The following MAB21L3 variants were observed in gnomAD, a reference collection of about 807,000 sequenced individuals.
The protein encoded by MAB21L3 is protein mab-21-like 3.
MAB21L3 carries 36 observed loss-of-function variants against 37.7 expected under a neutral mutation model. That is an observed-to-expected ratio of 0.96 (90% CI 0.73 to 1.26). MAB21L3 has a LOEUF of 1.26. Among genes scored for constraint, MAB21L3 ranks in the 50% most tolerant of loss-of-function variants. MAB21L3 has a pLI of 0.00. For missense variants in MAB21L3, 430 were observed against 447.3 expected, an observed-to-expected ratio of 0.96 and a Z score of 0.35; for synonymous variants, 186 against 176.8, an observed-to-expected ratio of 1.05 and a Z score of -0.41.
rs1205292515 is a variant in MAB21L3, at chr1:116,135,853, T to C, written c.*2488T>C. On this transcript the variant is annotated 3_prime_UTR_variant, in exon 8 of 8. Coordinates refer to ENST00000369500, the MANE Select transcript of MAB21L3 (RefSeq NM_152367.3). The stretch of plus-strand genomic sequence containing the variant: ...GCAAATCAATAAATGTAATCCAGCA[T>C]ATAAACAGAACCAAAGACAAAAACC... Among the ~76,000 whole-genome samples, 6 of 150,924 alleles carry C rather than the reference T, an allele frequency of 4.0e-5. No homozygotes were observed. Among genetic ancestry groups the C allele is most frequent in the African/African-American group, 7.3e-5 (3 of 41,100 alleles).
intron 4 of MAB21L3, among the ~76,000 whole-genome samples, chr1:116,121,492 G>A (rs1056212361): frequency 1.3e-5 from 2 of 152,170 alleles, no homozygotes; most frequent in African/African-American, 4.8e-5. Context: ...CTCACACAGA[G>A]GCTTTTGATT....
chr1:116,128,294 C>T lies in MAB21L3; in HGVS notation c.810C>T (p.Ile270=). 6.2e-7 allele frequency: 1 copy of T among 1,613,920 alleles called. No individual in the cohort carries two copies. The change falls in exon 7 of 8, where the codon ATC becomes ATT. Residue 270 remains isoleucine (I), a synonymous_variant. Transcript: ENST00000369500. ...TCATGAGGCACCTGAAGGAGGACAT[C>T]TGGTGCCCAGGGAACAGGCCGGTTA... ...FQVMRHLKED[I]WCPGNRPVIT... is the part of the protein sequence containing the mutation.
chr1:116,123,147 A>G (rs1259050370), intron 4 of MAB21L3, among the ~76,000 whole-genome samples: 2 of 152,176 alleles, frequency 1.3e-5, no homozygotes, highest in Non-Finnish European at 2.9e-5. Context: ...GCAGTGGGAC[A>G]TGGTCATAGT....
chr1:116,130,903 C>T (rs920082690), intron 7 of MAB21L3, among the ~76,000 whole-genome samples: 11 of 152,184 alleles, frequency 7.2e-5, no homozygotes, highest in African/African-American at 2.4e-4. Context: ...ATGAAATTAT[C>T]TCTAACTCAT....
chr1:116,113,069 CTG>C (rs772582930), intron 3 of MAB21L3, among the ~76,000 whole-genome samples: 1 of 152,134 alleles, frequency 6.6e-6, no homozygotes, highest in South Asian at 2.1e-4. Context: ...TTTTTAAAGA[CTG>C]TGAAAGTACT....
intron 3 of MAB21L3, among the ~76,000 whole-genome samples, chr1:116,117,245 G>T (rs2101609200): frequency 6.7e-6 from 1 of 148,900 alleles, no homozygotes; most frequent in East Asian, 2.0e-4. Context: ...TTACATCCGT[G>T]GGGCTGGCAG....
In MAB21L3 at chr1:116,111,525, C is replaced by A. The variant is rs1245426547; in HGVS notation, c.-392+15C>A. On this transcript the variant is annotated intron_variant, in intron 1 of 7. Coordinates refer to ENST00000369500, the MANE Select transcript of MAB21L3 (RefSeq NM_152367.3). ...ATTGTTTAAAAGTAAGTAGTGCTCC[C>A]AGAAGGGCTGTAATTTCTTTAGATT... 6.6e-6 allele frequency among the ~76,000 whole-genome samples: 1 copy of A among 152,110 alleles called. No homozygotes were observed. Among genetic ancestry groups the A allele is most frequent in the Non-Finnish European group, 1.5e-5 (1 of 68,034 alleles).
intron 7 of MAB21L3, among the ~76,000 whole-genome samples, chr1:116,129,828 T>C (rs1413429692): frequency 1.3e-5 from 2 of 152,244 alleles, no homozygotes; most frequent in African/African-American, 2.4e-5. Flanking sequence ...CCTTCTTATC[T>C]TTCCAATAAC....
In MAB21L3 at chr1:116,112,679, G is replaced by T. The variant is rs1428737905; in HGVS notation, c.48+16G>T. 6.2e-7 allele frequency: 1 copy of T among 1,613,654 alleles called. No individual in the cohort carries two copies. The highest frequency in any genetic ancestry group is 8.5e-7 in the Non-Finnish European group (1 of 1,179,640). On this transcript the variant is annotated intron_variant, in intron 3 of 7. Transcript: ENST00000369500. ...ACTGAATAAGGTAAGGACAGACCCG[G>T]TCTCTCCCATGAACCCCCTCCCCAT... is the stretch of plus-strand genomic sequence containing the variant.
chr1:116,130,060 G>A (rs1264720646), intron 7 of MAB21L3, among the ~76,000 whole-genome samples: 1 of 152,198 alleles, frequency 6.6e-6, no homozygotes, highest in African/African-American at 2.4e-5. Flanking sequence ...ACTAGAAGAG[G>A]CAGAGCTGAG....
intron 4 of MAB21L3, 174 bp from the exon 5 acceptor site, chr1:116,123,892 A>G (rs963498344): frequency 3.3e-6 from 2 of 602,600 alleles, no homozygotes; most frequent in South Asian, 2.1e-5. Flanking sequence ...CAGTAGCAGA[A>G]CAAAGAGGTA....
chr1:116,112,972 G>A (rs1659472789), intron 3 of MAB21L3, among the ~76,000 whole-genome samples: 1 of 152,138 alleles, frequency 6.6e-6, no homozygotes, highest in African/African-American at 2.4e-5. Context: ...ACCTGCCTGA[G>A]CCTTGGCCTT....
Position 116,128,061 on chromosome 1 carries a change from G to C in MAB21L3, c.661-84G>C, listed in dbSNP as rs1006261897. On this transcript the variant is annotated intron_variant, in intron 6 of 7. Transcript: ENST00000369500. Reference sequence around the variant, plus strand: ...TGTCTGCCTGGTGACAAGTTCCCCAGACCAGCAGACTGCTTCAGAAATGGC... The same window carrying C: ...TGTCTGCCTGGTGACAAGTTCCCCACACCAGCAGACTGCTTCAGAAATGGC... The C allele has an allele frequency of 7.7e-6, 11 of 1,435,560 alleles. No individual in the cohort carries two copies. The African/African-American group carries it at 1.4e-4, about 19-fold the overall frequency. The allele number at this position is 1,435,560 out of a possible 1,614,324, so 88.9% of individuals were successfully genotyped here. A position where few individuals can be genotyped will look rare whatever the true frequency, so the allele number is the denominator to read the frequency against.
intron 4 of MAB21L3, among the ~76,000 whole-genome samples, chr1:116,122,961 A>G (rs1057222979): frequency 6.6e-6 from 1 of 152,232 alleles, no homozygotes; most frequent in Non-Finnish European, 1.5e-5. Flanking sequence ...ATGTGGATAC[A>G]TCATCTAAAA....
At chr1:116,115,262 G>A (rs1275276909) in intron 3 of MAB21L3, among the ~76,000 whole-genome samples, 4 of 152,170 alleles carry the variant, frequency 2.6e-5, no homozygotes, top group Non-Finnish European at 4.4e-5. Flanking sequence ...TACAGCTTCT[G>A]CTACATTTGG....
chr1:116,124,184 C>T lies in MAB21L3; in HGVS notation c.308C>T (p.Pro103Leu), dbSNP rs748398175. 3.7e-6 allele frequency: 6 copies of T among 1,614,040 alleles called. No individual in the cohort carries two copies. The highest frequency in any genetic ancestry group is 1.6e-4 in the Middle Eastern group (1 of 6,080). ...CTGCAGGGCACCAGGCTGCCCTGCC[C>T]GTTGCGGGACCCTGAGGGTCTGCAG... ...YTLQGTRLPC[P>L]LRDPEGLQQW... The change falls in exon 5 of 8, where the codon CCG becomes CTG. Residue 103 changes from proline to leucine, a missense_variant. Transcript: ENST00000369500.
Position 116,133,129 on chromosome 1 carries a change from C to T in MAB21L3, c.856-3C>T, listed in dbSNP as rs755320649. On this transcript the variant is annotated splice_region_variant and splice_polypyrimidine_tract_variant and intron_variant, in intron 7 of 7. Transcript: ENST00000369500. ...TGTCTGACAGCACTTCTCCCTTCCA[C>T]AGACTGTGCTCTTTTGGACCTGCGA... 16 of 1,611,750 alleles carry T rather than the reference C, an allele frequency of 9.9e-6. No homozygotes were observed. The highest frequency in any genetic ancestry group is 1.3e-5 in the Non-Finnish European group (15 of 1,177,876).
chr1:116,127,467 T>C lies in MAB21L3; in HGVS notation c.483T>C (p.Gly161=), dbSNP rs1659939890. The part of the protein sequence containing the change: ...ENAVRTCHLS[G]KVSLLGNRSA... The stretch of plus-strand genomic sequence containing the variant: ...ATCCATTTGGTCATTTCCCACCAGG[T>C]AAGGTCAGCCTGCTAGGAAACCGCT... Residue 161 remains glycine, a splice_region_variant and synonymous_variant, in exon 6 of 8, where the codon GGT becomes GGC. Coordinates refer to ENST00000369500, the MANE Select transcript of MAB21L3 (RefSeq NM_152367.3). 1 of 1,613,184 alleles carries C rather than the reference T, an allele frequency of 6.2e-7. No homozygotes were observed. Among genetic ancestry groups the C allele is most frequent in the South Asian group, 1.1e-5 (1 of 90,946 alleles).
chr1:116,112,756 T>A, intron 3 of MAB21L3, 93 bp downstream of exon 3: 1 of 1,287,578 alleles, frequency 7.8e-7, no homozygotes, highest in Non-Finnish European at 1.1e-6. Context: ...AGGCTCTTTC[T>A]AAAGACACAT....
Sources: allele counts gnomAD v4.1 joint callset (sites outside exome capture counted in the v4.1 genomes callset), GRCh38; gene constraint gnomAD v4.1.1; transcripts MANE v1.5; gene names NCBI Gene and HGNC (gene_info 2026-07-23, HGNC 2026-07-21).